Variants in PCDH15 observed in about 807,000 individuals in gnomAD.
The protein encoded by PCDH15 is protocadherin-15.
Under a neutral mutation model 178.5 loss-of-function variants are expected in PCDH15, and 129 were observed. The observed-to-expected ratio is 0.72, with a 90% confidence interval of 0.63 to 0.84. The LOEUF (loss-of-function observed/expected upper bound fraction) is 0.84, where lower values mean the gene tolerates loss of function less well. Among genes scored for constraint, PCDH15 ranks in the 40% least tolerant of loss-of-function variants. The pLI is 0.00. For synonymous variants in PCDH15, 800 were observed against 732.0 expected, an observed-to-expected ratio of 1.09 and a Z score of -1.50; for missense variants, 2,230 against 2,099.9, an observed-to-expected ratio of 1.06 and a Z score of -1.21.
chr10:54,334,899 C>T (rs990205), intron 6 of PCDH15, among the ~76,000 whole-genome samples: 2 of 151,956 alleles, frequency 1.3e-5, no homozygotes, highest in African/African-American at 4.8e-5. Flanking sequence ...TTTTTCTGTA[C>T]CTCTCTCTTC....
chr10:55,586,173 T>C (rs751536891), intron 2 of PCDH15, among the ~76,000 whole-genome samples: 5 of 152,136 alleles, frequency 3.3e-5, no homozygotes, highest in East Asian at 1.9e-4. Flanking sequence ...TCTTGCCTAA[T>C]AGATATAGAA....
intron 26 of PCDH15, among the ~76,000 whole-genome samples, chr10:53,886,859 T>C (rs1300414463): frequency 6.6e-6 from 1 of 152,194 alleles, no homozygotes; most frequent in Non-Finnish European, 1.5e-5. Flanking sequence ...TCGAAATCCC[T>C]CCAACTGCCT....
chr10:54,732,560 C>A (rs1943555763), intron 1 of PCDH15, among the ~76,000 whole-genome samples: 1 of 151,362 alleles, frequency 6.6e-6, no homozygotes. Context: ...ATTCTTCCAA[C>A]AAAGAAAAAT....
At chr10:54,797,507 A>AAC (rs71014418) in intron 1 of PCDH15, among the ~76,000 whole-genome samples, 25,178 of 144,968 alleles carry the variant, frequency 0.17, 2,234 homozygotes, top group Non-Finnish European at 0.22. Context: ...TTATTGTTGA[A>AAC]ACACACACAC....
At chr10:55,025,492 A>G (rs1269945528) in intron 2 of PCDH15, among the ~76,000 whole-genome samples, 1 of 152,128 alleles carries the variant, frequency 6.6e-6, no homozygotes, top group Non-Finnish European at 1.5e-5. Context: ...AAACCATATG[A>G]CAAATTGACT....
chr10:54,243,473 C>T (rs1389985420), intron 8 of PCDH15, among the ~76,000 whole-genome samples: 1 of 152,060 alleles, frequency 6.6e-6, no homozygotes, highest in Non-Finnish European at 1.5e-5. Flanking sequence ...TGCCACTGCA[C>T]TCCAGTCTGG....
chr10:55,493,272 T>C (rs1257118167), intron 2 of PCDH15, among the ~76,000 whole-genome samples: 1 of 147,382 alleles, frequency 6.8e-6, no homozygotes, highest in Admixed American at 6.8e-5. Context: ...AAAAAAAAGC[T>C]AGGTGGGGCA....
intron 1 of PCDH15, among the ~76,000 whole-genome samples, chr10:55,193,033 G>A (rs1251999870): frequency 3.5e-5 from 5 of 142,128 alleles, no homozygotes; most frequent in Non-Finnish European, 7.6e-5. Context: ...AAAAGATGAA[G>A]TAAATTTTGC....
chr10:55,245,398 T>C (rs1841658229), intron 1 of PCDH15, among the ~76,000 whole-genome samples: 2 of 152,138 alleles, frequency 1.3e-5, no homozygotes, highest in African/African-American at 4.8e-5. Context: ...CAAAACATCT[T>C]ATATTACTGT....
rs1157557398 is a variant in PCDH15, at chr10:54,183,600, G to A, written c.1441-7C>T. 3 of 1,613,454 alleles carry A rather than the reference G, an allele frequency of 1.9e-6. No individual in the cohort carries two copies. The highest frequency in any genetic ancestry group is 2.7e-5 in the African/African-American group (2 of 74,898). ...CACCATCAAATGCTGTTATCTTTGG[G>A]AGGAGAAAAATACACTTAGTAGAGA... On this transcript the variant is annotated splice_region_variant and splice_polypyrimidine_tract_variant and intron_variant, in intron 12 of 37. Transcript: ENST00000644397.
chr10:54,960,951 G>A (rs1838630290), intron 2 of PCDH15, among the ~76,000 whole-genome samples: 1 of 151,970 alleles, frequency 6.6e-6, no homozygotes, highest in African/African-American at 2.4e-5. Context: ...CCAATCACAA[G>A]GAAATTAAAA....
intron 1 of PCDH15, among the ~76,000 whole-genome samples, chr10:54,779,929 G>A (rs1812104066): frequency 1.3e-5 from 2 of 151,956 alleles, no homozygotes; most frequent in Non-Finnish European, 2.9e-5. Context: ...GGCCACTATT[G>A]GTTTATGTTC....
intron 1 of PCDH15, among the ~76,000 whole-genome samples, chr10:55,236,636 G>T (rs1374492698): frequency 2.6e-5 from 4 of 151,922 alleles, no homozygotes; most frequent in Admixed American, 2.0e-4. Context: ...CATTTTAAAG[G>T]CAAAATTCAT....
intron 3 of PCDH15, among the ~76,000 whole-genome samples, chr10:54,838,024 ATACATACTTGTCCAAGTATTC>A (rs1953347205): frequency 6.6e-6 from 1 of 151,992 alleles, no homozygotes; most frequent in African/African-American, 2.4e-5. Flanking sequence ...ACATGCTAGA[ATACATACTTGTCCAAGTATTC>A]TACATACTTG....
intron 13 of PCDH15, among the ~76,000 whole-genome samples, chr10:54,172,087 C>G (rs533994248): frequency 6.6e-6 from 1 of 152,216 alleles, no homozygotes; most frequent in Non-Finnish European, 1.5e-5. Flanking sequence ...GCCAAGCCAT[C>G]GCATCCCCTG....
intron 8 of PCDH15, among the ~76,000 whole-genome samples, chr10:54,307,244 C>A (rs1267688367): frequency 2.7e-5 from 4 of 145,720 alleles, no homozygotes; most frequent in Admixed American, 2.1e-4. Flanking sequence ...TTGAGGATTT[C>A]TGATTTTTAA....
At chr10:54,748,514 C>G (rs1346588428) in intron 1 of PCDH15, among the ~76,000 whole-genome samples, 2 of 152,058 alleles carry the variant, frequency 1.3e-5, no homozygotes, top group African/African-American at 4.8e-5. Context: ...TGTCCATACC[C>G]CATGTGTCCC....
At chr10:54,339,031 T>C (rs2134040606) in intron 6 of PCDH15, among the ~76,000 whole-genome samples, 1 of 148,844 alleles carries the variant, frequency 6.7e-6, no homozygotes, top group South Asian at 2.1e-4. Context: ...GACAAATTCT[T>C]ATCAATTTCA....
intron 28 of PCDH15, among the ~76,000 whole-genome samples, chr10:53,856,213 A>C (rs1239975328): frequency 6.6e-6 from 1 of 151,640 alleles, no homozygotes; most frequent in African/African-American, 2.4e-5. Context: ...AGAATTCACC[A>C]TTAAAGAATT....
Sources: gnomAD v4.1 joint callset for allele counts (sites outside exome capture counted in the v4.1 genomes callset) on GRCh38, gnomAD v4.1.1 for gene constraint, MANE v1.5 for transcripts, NCBI Gene and HGNC (gene_info 2026-07-23, HGNC 2026-07-21) for gene names.